Variants in RAPGEF5 observed in about 807,000 individuals in gnomAD.
RAPGEF5 encodes the protein M-Ras-regulated GEF.
Under a neutral mutation model 125.2 loss-of-function variants are expected in RAPGEF5, and 65 were observed. The ratio of observed to expected loss-of-function variants is 0.52; its 90% CI spans 0.43 to 0.64. The LOEUF is 0.64. Among genes scored for constraint, RAPGEF5 ranks in the 30% least tolerant of loss-of-function variants. The pLI is 0.00. For missense variants in RAPGEF5, 958 were observed against 1,048.1 expected (o/e 0.91, Z 1.19); for synonymous variants, 391 against 385.9 (o/e 1.01, Z -0.16).
In RAPGEF5 at chr7:22,332,526, A is replaced by T. The variant is rs1783942301; in HGVS notation, c.232-14489T>A. Among the ~76,000 whole-genome samples, 6 of 152,358 alleles carry T rather than the reference A, an allele frequency of 3.9e-5. No individual in the cohort carries two copies. In the South Asian group the frequency reaches 1.2e-3, roughly 32 times the overall value. On this transcript the variant is annotated intron_variant, in intron 1 of 25. Coordinates refer to ENST00000665637, the MANE Select transcript of RAPGEF5 (RefSeq NM_012294.5). ...ACAGGATGTTCTTCTTTCTGTGAAAAGCACTTTCTCCCTCCACTCTCACCC... is the reference window on the plus strand; with the variant it reads ...ACAGGATGTTCTTCTTTCTGTGAAATGCACTTTCTCCCTCCACTCTCACCC...
At chr7:22,265,750 G>A (rs558608106) in intron 7 of RAPGEF5, among the ~76,000 whole-genome samples, 2 of 152,018 alleles carry the variant, frequency 1.3e-5, no homozygotes, top group African/African-American at 4.8e-5. Flanking sequence ...ATTATTTTTT[G>A]TGTTTTTGAT....
chr7:22,238,397 C>T (rs940400053), intron 7 of RAPGEF5, among the ~76,000 whole-genome samples: 1 of 152,106 alleles, frequency 6.6e-6, no homozygotes, highest in Admixed American at 6.5e-5. Context: ...CATAATTTTT[C>T]CAACACACTA....
At chr7:22,345,536 C>G (rs1784206664) in intron 1 of RAPGEF5, among the ~76,000 whole-genome samples, 2 of 152,020 alleles carry the variant, frequency 1.3e-5, no homozygotes, top group Non-Finnish European at 2.9e-5. Context: ...GACTTTATTC[C>G]AGTTATGAAA....
At chr7:22,142,549 A>T (rs1230202727) in intron 20 of RAPGEF5, among the ~76,000 whole-genome samples, 2 of 152,208 alleles carry the variant, frequency 1.3e-5, no homozygotes, top group Admixed American at 1.3e-4. Flanking sequence ...TATAACTAAC[A>T]TCTAAATCTG....
Position 22,248,704 on chromosome 7 carries a change from G to C in RAPGEF5, c.797-17785C>G, listed in dbSNP as rs146505295. 2.8e-3 allele frequency among the ~76,000 whole-genome samples: 425 copies of C among 152,292 alleles called. 1 individual carries two copies. Among genetic ancestry groups the C allele is most frequent in the African/African-American group, 9.0e-3 (374 of 41,550 alleles). On this transcript the variant is annotated intron_variant, in intron 7 of 25. Coordinates refer to ENST00000665637, the MANE Select transcript of RAPGEF5 (RefSeq NM_012294.5). ...TAAGTGATAAACGCGTGTCTGCTCT[G>C]TAAGGCCTCTCACACAGAGGGGAAG...
At chr7:22,171,503 C>T (rs1279641739) in intron 11 of RAPGEF5, among the ~76,000 whole-genome samples, 6 of 152,024 alleles carry the variant, frequency 3.9e-5, no homozygotes, top group Non-Finnish European at 7.4e-5. Context: ...CTTTCATATC[C>T]TTTCTTTTTT....
At chr7:22,309,100 C>A (rs1046025347) in intron 4 of RAPGEF5, among the ~76,000 whole-genome samples, 13 of 152,206 alleles carry the variant, frequency 8.5e-5, no homozygotes, top group Middle Eastern at 3.4e-3. Flanking sequence ...GTGGGGAAAC[C>A]CTGTTTTAAA....
At chr7:22,124,255 A>C (rs1455920073) in intron 25 of RAPGEF5, among the ~76,000 whole-genome samples, 3 of 152,206 alleles carry the variant, frequency 2.0e-5, no homozygotes, top group Admixed American at 2.0e-4. Context: ...ATCCCCAGTA[A>C]ACACTTGGGA....
At chr7:22,330,612 C>A (rs117392674) in intron 1 of RAPGEF5, among the ~76,000 whole-genome samples, 1 of 152,148 alleles carries the variant, frequency 6.6e-6, no homozygotes, top group African/African-American at 2.4e-5. Flanking sequence ...CTTTCTCTTG[C>A]CATTAACCTC....
intron 23 of RAPGEF5, among the ~76,000 whole-genome samples, chr7:22,134,860 C>T (rs542227054): frequency 1.3e-5 from 2 of 152,160 alleles, no homozygotes; most frequent in African/African-American, 2.4e-5. Flanking sequence ...CTTTATTTCA[C>T]GCATTTGTAT....
intron 7 of RAPGEF5, among the ~76,000 whole-genome samples, chr7:22,261,409 G>A (rs10452785): frequency 2.8e-4 from 42 of 152,064 alleles, no homozygotes; most frequent in African/African-American, 9.9e-4. Flanking sequence ...AGACCAGCCT[G>A]AACAACAAAG....
At chr7:22,128,656 T>G (rs937514945) in intron 24 of RAPGEF5, among the ~76,000 whole-genome samples, 1 of 152,180 alleles carries the variant, frequency 6.6e-6, no homozygotes, top group Non-Finnish European at 1.5e-5. Context: ...AACTGCTTTT[T>G]GTCCTGGACA....
intron 12 of RAPGEF5, among the ~76,000 whole-genome samples, chr7:22,166,094 T>A (rs1784156826): frequency 6.8e-6 from 1 of 147,342 alleles, no homozygotes; most frequent in African/African-American, 2.5e-5. Context: ...TATATATATA[T>A]ATCATATATA....
intron 6 of RAPGEF5, among the ~76,000 whole-genome samples, chr7:22,269,596 C>T (rs1332155144): frequency 6.6e-6 from 1 of 152,206 alleles, no homozygotes; most frequent in Non-Finnish European, 1.5e-5. Flanking sequence ...TCATAAGTTA[C>T]TCCCAGCAGA....
intron 1 of RAPGEF5, among the ~76,000 whole-genome samples, chr7:22,347,038 T>C (rs1784236368): frequency 6.6e-6 from 1 of 152,118 alleles, no homozygotes; most frequent in Middle Eastern, 3.2e-3. Flanking sequence ...ATGGAAAGTT[T>C]AACTTTTAAA....
At chr7:22,176,901 T>G (rs781175547) in intron 11 of RAPGEF5, among the ~76,000 whole-genome samples, 10 of 152,148 alleles carry the variant, frequency 6.6e-5, no homozygotes, top group Non-Finnish European at 1.2e-4. Context: ...ACAAGAAAAT[T>G]TACTTTAATG....
In RAPGEF5 at chr7:22,233,122, G is replaced by A. The variant is rs1190361516; in HGVS notation, c.797-2203C>T. On this transcript the variant is annotated intron_variant, in intron 7 of 25. Transcript: ENST00000665637. The stretch of plus-strand genomic sequence containing the variant: ...AAAAACTAGAGGCAAGACTATAAAG[G>A]GAAAAATAAAACATAGAATAACATC... 2.6e-5 allele frequency among the ~76,000 whole-genome samples: 4 copies of A among 151,982 alleles called. No individual in the cohort carries two copies. In the East Asian group the frequency reaches 7.7e-4, roughly 29 times the overall value.
At chr7:22,181,778 G>C (rs749301799) in intron 11 of RAPGEF5, among the ~76,000 whole-genome samples, 11 of 152,172 alleles carry the variant, frequency 7.2e-5, no homozygotes, top group Non-Finnish European at 1.2e-4. Context: ...GAAAGAAAAG[G>C]TTTCAATTGT....
rs778788051 is a variant in RAPGEF5 at position 22,240,533 on chromosome 7, G to A, written c.797-9614C>T. Among the ~76,000 whole-genome samples the A allele has an allele frequency of 2.0e-3, 301 of 151,814 alleles. 6 individuals carry two copies. The highest frequency in any genetic ancestry group is 5.3e-4 in the African/African-American group (22 of 41,452). ...ATTACAGGTGCCCACCACCATGCTC[G>A]GCTAATTTTTTGTATTTTTAGTAGA... On this transcript the variant is annotated intron_variant, in intron 7 of 25. Transcript: ENST00000665637.
Sources: allele counts gnomAD v4.1 joint callset (sites outside exome capture counted in the v4.1 genomes callset), GRCh38; gene constraint gnomAD v4.1.1; transcripts MANE v1.5; gene names NCBI Gene and HGNC (gene_info 2026-07-23, HGNC 2026-07-21).